Variants in FHIT observed in about 807,000 individuals in gnomAD.
FHIT encodes the protein fragile histidine triad diadenosine triphosphatase.
FHIT carries 19 observed loss-of-function variants against 17.9 expected under a neutral mutation model. The ratio of observed to expected loss-of-function variants is 1.06; its 90% CI spans 0.74 to 1.56. FHIT has a LOEUF of 1.56. Ranked by LOEUF, FHIT falls within the 40% of genes most tolerant of loss-of-function variation. The pLI is 0.00. For missense variants in FHIT, 248 were observed against 189.2 expected (o/e 1.31, Z -1.82); for synonymous variants, 81 against 69.7 (o/e 1.16, Z -0.81).
At chr3:61,153,426 A>C (rs1184121257) in intron 2 of FHIT, among the ~76,000 whole-genome samples, 1 of 152,182 alleles carries the variant, frequency 6.6e-6, no homozygotes, top group Non-Finnish European at 1.5e-5. Flanking sequence ...GAGTGTGTAG[A>C]CACTAAACAA....
intron 4 of FHIT, among the ~76,000 whole-genome samples, chr3:60,614,134 T>C (rs1324028581): frequency 6.6e-6 from 1 of 152,060 alleles, no homozygotes; most frequent in African/African-American, 2.4e-5. Context: ...TATTAGGAAG[T>C]AGGTGCCCAC....
intron 5 of FHIT, among the ~76,000 whole-genome samples, chr3:60,381,226 C>T (rs1011888144): frequency 6.6e-6 from 1 of 151,996 alleles, no homozygotes; most frequent in Non-Finnish European, 1.5e-5. Context: ...ACCTGTAATC[C>T]CAGCACTTTG....
intron 4 of FHIT, among the ~76,000 whole-genome samples, chr3:60,785,046 G>A (rs1219750873): frequency 6.6e-6 from 1 of 152,196 alleles, no homozygotes; most frequent in Non-Finnish European, 1.5e-5. Context: ...AGGGAGGTAA[G>A]AGCCCCTACC....
intron 5 of FHIT, among the ~76,000 whole-genome samples, chr3:60,304,829 TA>T (rs1297940854): frequency 2.0e-5 from 3 of 152,156 alleles, no homozygotes; most frequent in African/African-American, 7.2e-5. Flanking sequence ...GCAACCAAGC[TA>T]AGCTGATTGT....
At chr3:61,022,643 AC>A (rs1307544363) in intron 3 of FHIT, among the ~76,000 whole-genome samples, 1 of 152,222 alleles carries the variant, frequency 6.6e-6, no homozygotes, top group Middle Eastern at 3.2e-3. Context: ...AAGCTTATCC[AC>A]CACGATCAAG....
intron 5 of FHIT, among the ~76,000 whole-genome samples, chr3:60,276,604 C>T (rs1199317542): frequency 2.6e-5 from 4 of 152,046 alleles, no homozygotes; most frequent in Non-Finnish European, 5.9e-5. Flanking sequence ...GTGCAAAAGG[C>T]ATATATATTA....
chr3:60,340,598 C>T (rs111751222), intron 5 of FHIT, among the ~76,000 whole-genome samples: 3 of 152,198 alleles, frequency 2.0e-5, no homozygotes, highest in Non-Finnish European at 2.9e-5. Context: ...TTTTAAGCAA[C>T]ATGTCAGAAT....
intron 3 of FHIT, among the ~76,000 whole-genome samples, chr3:61,023,551 A>G (rs977067996): frequency 6.6e-6 from 1 of 152,216 alleles, no homozygotes; most frequent in Non-Finnish European, 1.5e-5. Context: ...CTAAGCAAAA[A>G]GAAGGCATCA....
At chr3:60,840,099 C>T (rs573148696) in intron 3 of FHIT, among the ~76,000 whole-genome samples, 1 of 151,980 alleles carries the variant, frequency 6.6e-6, no homozygotes, top group African/African-American at 2.4e-5. Flanking sequence ...GCCTAAAGGC[C>T]TTGAAAGAAA....
At chr3:60,548,161 G>C (rs547361848) in intron 4 of FHIT, among the ~76,000 whole-genome samples, 37 of 138,070 alleles carry the variant, frequency 2.7e-4, no homozygotes, top group African/African-American at 8.9e-4. Flanking sequence ...GAGAGAGAGA[G>C]AGAGACACTC....
chr3:60,535,058 T>C (rs550571571), intron 5 of FHIT, among the ~76,000 whole-genome samples: 100 of 152,288 alleles, frequency 6.6e-4, no homozygotes, highest in African/African-American at 2.3e-3. Flanking sequence ...ACCCCGTCTC[T>C]ACTAAAAATA....
At chr3:60,401,282 G>A (rs537588370) in intron 5 of FHIT, among the ~76,000 whole-genome samples, 4 of 152,296 alleles carry the variant, frequency 2.6e-5, no homozygotes, top group South Asian at 2.1e-4. Flanking sequence ...GCTCATGAAA[G>A]ACAGCTGTGC....
chr3:59,928,276 A>C (rs1231705984), intron 7 of FHIT, among the ~76,000 whole-genome samples: 1 of 152,238 alleles, frequency 6.6e-6, no homozygotes, highest in Non-Finnish European at 1.5e-5. Context: ...CAAAAGATAA[A>C]TTATGGCTGC....
intron 3 of FHIT, among the ~76,000 whole-genome samples, chr3:60,892,027 G>C (rs782532377): frequency 6.6e-6 from 1 of 152,108 alleles, no homozygotes; most frequent in Non-Finnish European, 1.5e-5. Flanking sequence ...TGGTCTTATG[G>C]CTCCCCAATG....
At chr3:60,674,895 A>G (rs2040587609) in intron 4 of FHIT, among the ~76,000 whole-genome samples, 1 of 152,102 alleles carries the variant, frequency 6.6e-6, no homozygotes, top group Non-Finnish European at 1.5e-5. Context: ...CTACCTCCAC[A>G]TGCCCTACCT....
rs1275965332 is a variant in FHIT, at chr3:60,125,759, G to A, written c.104-111607C>T. Among the ~76,000 whole-genome samples, 11 of 152,026 alleles carry A rather than the reference G, an allele frequency of 7.2e-5. No individual in the cohort carries two copies. The East Asian group carries it at 1.2e-3, about 16-fold the overall frequency. On this transcript the variant is annotated intron_variant, in intron 5 of 9. Coordinates refer to ENST00000492590, the MANE Select transcript of FHIT (RefSeq NM_002012.4). ...CAAAATGGGAGGAGTAGAGACACTC[G>A]GGAGGACTGCATTTGGCTTTATTCA... is the stretch of plus-strand genomic sequence containing the variant.
chr3:60,455,169 AT>A, intron 5 of FHIT, among the ~76,000 whole-genome samples: 1 of 152,108 alleles, frequency 6.6e-6, no homozygotes, highest in South Asian at 2.1e-4. Context: ...AGGAAGGCAA[AT>A]TATCCAGCCA....
At chr3:60,505,631 T>C (rs968050916) in intron 5 of FHIT, among the ~76,000 whole-genome samples, 6 of 152,216 alleles carry the variant, frequency 3.9e-5, no homozygotes, top group African/African-American at 9.6e-5. Context: ...GCATATTTTA[T>C]GATAATCAGA....
intron 8 of FHIT, among the ~76,000 whole-genome samples, chr3:59,881,702 A>G (rs1261865534): frequency 6.6e-6 from 1 of 152,228 alleles, no homozygotes; most frequent in Non-Finnish European, 1.5e-5. Flanking sequence ...AATAAAAAAT[A>G]CAATTAAGTT....
Sources: allele counts gnomAD v4.1 joint callset (sites outside exome capture counted in the v4.1 genomes callset), GRCh38; gene constraint gnomAD v4.1.1; transcripts MANE v1.5; gene names NCBI Gene and HGNC (gene_info 2026-07-23, HGNC 2026-07-21).